The following THSD7B variants were observed in gnomAD, a reference collection of about 807,000 sequenced individuals.
THSD7B encodes the protein thrombospondin type 1 domain containing 7B, also known as thrombospondin type-1 domain-containing protein 7B.
A neutral mutation model predicts 213.6 loss-of-function variants in THSD7B; 138 were observed. That is an observed-to-expected ratio of 0.65 (90% CI 0.56 to 0.74). The LOEUF (loss-of-function observed/expected upper bound fraction) is 0.74. Ranked by LOEUF, THSD7B falls within the 30% of genes least tolerant of loss-of-function variation. The probability of loss-of-function intolerance (pLI) is 0.00; values close to 1 mark genes in which losing one functional copy is unlikely to be tolerated. For synonymous variants in THSD7B, 742 were observed against 687.0 expected, an observed-to-expected ratio of 1.08 and a Z score of -1.25; for missense variants, 1,931 against 1,991.5, an observed-to-expected ratio of 0.97 and a Z score of 0.58.
At chr2:137,498,746 A>T (rs1679632612) in intron 15 of THSD7B, among the ~76,000 whole-genome samples, 1 of 152,172 alleles carries the variant, frequency 6.6e-6, no homozygotes, top group Non-Finnish European at 1.5e-5. Context: ...TGGACTAATT[A>T]TAAGAGGGGA....
intron 2 of THSD7B, among the ~76,000 whole-genome samples, chr2:137,007,027 C>A (rs1392325383): frequency 1.3e-5 from 2 of 152,118 alleles, no homozygotes; most frequent in Non-Finnish European, 2.9e-5. Flanking sequence ...GTGTAGAGGA[C>A]AAGCAAATTA....
intron 5 of THSD7B, among the ~76,000 whole-genome samples, chr2:137,116,538 A>G (rs994618742): frequency 1.3e-5 from 2 of 152,178 alleles, no homozygotes; most frequent in Non-Finnish European, 2.9e-5. Context: ...ATCAACATAT[A>G]AATAAAACTT....
At chr2:136,872,364 G>A (rs1000238204) in intron 1 of THSD7B, among the ~76,000 whole-genome samples, 15 of 114,942 alleles carry the variant, frequency 1.3e-4, no homozygotes, top group Non-Finnish European at 1.7e-4. Context: ...GATAAATGGC[G>A]AAAGACCATA....
intron 2 of THSD7B, among the ~76,000 whole-genome samples, chr2:137,004,273 G>A (rs1044585269): frequency 1.4e-5 from 2 of 146,238 alleles, no homozygotes; most frequent in Admixed American, 6.9e-5. Flanking sequence ...CCTCCTTCCC[G>A]TGACCCAGTG....
At chr2:137,551,876 A>C (rs1200700832) in intron 15 of THSD7B, among the ~76,000 whole-genome samples, 1 of 152,110 alleles carries the variant, frequency 6.6e-6, no homozygotes, top group East Asian at 1.9e-4. Context: ...CATCTGGCTT[A>C]AAATGGACAG....
At chr2:136,955,683 G>T (rs887655272) in intron 2 of THSD7B, among the ~76,000 whole-genome samples, 1 of 152,208 alleles carries the variant, frequency 6.6e-6, no homozygotes, top group Non-Finnish European at 1.5e-5. Context: ...GGATGTGAAT[G>T]TAAAAGCAGG....
At chr2:137,510,964 T>A (rs1679949773) in intron 15 of THSD7B, among the ~76,000 whole-genome samples, 1 of 152,210 alleles carries the variant, frequency 6.6e-6, no homozygotes, top group African/African-American at 2.4e-5. Flanking sequence ...TACCTCAGTA[T>A]TTGTCACCAA....
chr2:136,852,436 A>C (rs778209), intron 1 of THSD7B, among the ~76,000 whole-genome samples: 120,159 of 152,090 alleles, frequency 0.79, 47,749 homozygotes, highest in Middle Eastern at 0.94. Context: ...GAAGTAGATT[A>C]TTCCACAGAG....
chr2:137,568,473 A>G (rs1018015623), intron 16 of THSD7B, among the ~76,000 whole-genome samples: 2 of 152,156 alleles, frequency 1.3e-5, no homozygotes, highest in African/African-American at 4.8e-5. Context: ...CCTAACAGCC[A>G]GTGTATTAGT....
intron 2 of THSD7B, among the ~76,000 whole-genome samples, chr2:136,913,489 A>G (rs1684301257): frequency 6.6e-6 from 1 of 152,232 alleles, no homozygotes; most frequent in Non-Finnish European, 1.5e-5. Flanking sequence ...TCTCCAGGCC[A>G]TGTCAGAGGC....
chr2:136,788,782 A>C (rs1324988564), intron 1 of THSD7B, among the ~76,000 whole-genome samples: 1 of 152,138 alleles, frequency 6.6e-6, no homozygotes, highest in Non-Finnish European at 1.5e-5. Context: ...GGTGTTTGTA[A>C]ATCATTATTT....
At chr2:136,909,806 C>A (rs1179586724) in intron 2 of THSD7B, among the ~76,000 whole-genome samples, 2 of 152,186 alleles carry the variant, frequency 1.3e-5, no homozygotes, top group East Asian at 3.9e-4. Context: ...AGACTACTTA[C>A]ATTCTTTCCT....
intron 15 of THSD7B, among the ~76,000 whole-genome samples, chr2:137,528,643 G>A (rs923573391): frequency 1.3e-5 from 2 of 152,000 alleles, no homozygotes; most frequent in Non-Finnish European, 2.9e-5. Context: ...AAGTGGGCTA[G>A]CCATCCCACA....
intron 14 of THSD7B, among the ~76,000 whole-genome samples, chr2:137,423,869 G>A (rs1029303721): frequency 1.3e-5 from 2 of 152,032 alleles, no homozygotes; most frequent in Non-Finnish European, 2.9e-5. Flanking sequence ...GTCTTGAAAA[G>A]GTGGAACAAA....
In THSD7B at chr2:137,160,301, A is replaced by G. The variant is rs950790008; in HGVS notation, c.1458A>G (p.Ile486Met). ...ATATCCCTTGCTCTACGGACTGCAT[A>G]GTATCTTCCTGGTCAGCCTGGGGCC... The part of the protein sequence containing the change: ...LCNIPCSTDC[I>M]VSSWSAWGLC... Residue 486 changes from isoleucine (I) to methionine (M), a missense_variant, in exon 6 of 28, where the codon ATA (isoleucine) becomes ATG (methionine). Physicochemically the swap from Ile to Met is conservative, Grantham distance 10. Transcript: ENST00000409968. The G allele has an allele frequency of 2.5e-6, 4 of 1,613,580 alleles. No individual in the cohort carries two copies. The highest frequency in any genetic ancestry group is 1.7e-5 in the Admixed American group (1 of 59,966).
intron 17 of THSD7B, among the ~76,000 whole-genome samples, chr2:137,573,458 T>C (rs1020861115): frequency 1.3e-5 from 2 of 152,118 alleles, no homozygotes; most frequent in East Asian, 1.9e-4. Flanking sequence ...ATCTTTGATA[T>C]TTGTATAATT....
chr2:137,237,129 A>G (rs1223304009), intron 9 of THSD7B, among the ~76,000 whole-genome samples: 2 of 151,878 alleles, frequency 1.3e-5, no homozygotes, highest in African/African-American at 2.4e-5. Flanking sequence ...AAAAAAAAAA[A>G]AAAAAGCTGA....
chr2:136,886,130 GGA>G (rs1241729285), intron 2 of THSD7B, among the ~76,000 whole-genome samples: 1 of 152,164 alleles, frequency 6.6e-6, no homozygotes, highest in East Asian at 1.9e-4. Flanking sequence ...GTGAACATGG[GGA>G]GGGTGATGGG....
intron 5 of THSD7B, among the ~76,000 whole-genome samples, chr2:137,121,425 T>C (rs10203830): frequency 0.68 from 103,011 of 152,090 alleles, 36,701 homozygotes; most frequent in Non-Finnish European, 0.78. Context: ...ACATGTGCAA[T>C]GTGTTATATA....
Sources: allele counts gnomAD v4.1 joint callset (sites outside exome capture counted in the v4.1 genomes callset), GRCh38; gene constraint gnomAD v4.1.1; transcripts MANE v1.5; gene names NCBI Gene and HGNC (gene_info 2026-07-23, HGNC 2026-07-21).